The following GALNT17 variants were observed in gnomAD, a reference collection of about 807,000 sequenced individuals.
GALNT17 encodes the protein polypeptide N-acetylgalactosaminyltransferase 17, also known as UDP-GalNAc:polypeptide N-acetylgalactosaminyltransferase-like 3.
A neutral mutation model predicts 63.7 loss-of-function variants in GALNT17; 29 were observed. That is an observed-to-expected ratio of 0.46 (90% confidence interval 0.34 to 0.62). The LOEUF is 0.62. Among genes scored for constraint, GALNT17 ranks in the 20% least tolerant of loss-of-function variants. GALNT17 has a pLI of 0.01. For missense variants in GALNT17, 603 were observed against 799.6 expected, an observed-to-expected ratio of 0.75 and a Z score of 2.97; for synonymous variants, 305 against 318.3, an observed-to-expected ratio of 0.96 and a Z score of 0.45.
At chr7:71,488,552 G>A (rs1331886700) in intron 5 of GALNT17, among the ~76,000 whole-genome samples, 3 of 151,342 alleles carry the variant, frequency 2.0e-5, no homozygotes, top group African/African-American at 7.3e-5. Flanking sequence ...TATTCCCACT[G>A]GGCAAGCCAG....
chr7:71,548,741 G>A (rs551788795), intron 5 of GALNT17, among the ~76,000 whole-genome samples: 13 of 152,296 alleles, frequency 8.5e-5, no homozygotes, highest in African/African-American at 2.6e-4. Context: ...TTTCTTCATA[G>A]GAGTGTGAAA....
At chr7:71,436,583 G>C (rs114655197) in intron 5 of GALNT17, among the ~76,000 whole-genome samples, 1 of 151,820 alleles carries the variant, frequency 6.6e-6, no homozygotes, top group Non-Finnish European at 1.5e-5. Flanking sequence ...GTCAGGGATC[G>C]TGGCGGGCGC....
chr7:71,670,378 C>T (rs1445288892), intron 8 of GALNT17, among the ~76,000 whole-genome samples: 1 of 152,126 alleles, frequency 6.6e-6, no homozygotes, highest in Non-Finnish European at 1.5e-5. Context: ...GAAATTTTGA[C>T]TTTGAGGTCC....
chr7:71,594,985 T>G (rs1237661698), intron 6 of GALNT17, among the ~76,000 whole-genome samples: 2 of 152,118 alleles, frequency 1.3e-5, no homozygotes, highest in African/African-American at 4.8e-5. Context: ...TAATCCAGTG[T>G]GATTCATGTT....
chr7:71,708,590 A>T (rs1018358140), intron 9 of GALNT17, among the ~76,000 whole-genome samples: 1 of 152,184 alleles, frequency 6.6e-6, no homozygotes, highest in Non-Finnish European at 1.5e-5. Flanking sequence ...AGAGGAGTAC[A>T]TATATAGGTT....
chr7:71,629,423 A>G (rs771285657), intron 6 of GALNT17, among the ~76,000 whole-genome samples: 1 of 152,124 alleles, frequency 6.6e-6, no homozygotes, highest in Non-Finnish European at 1.5e-5. Context: ...TCATCTAACA[A>G]TCTTGGGAGC....
At chr7:71,623,146 C>G (rs1790320925) in intron 6 of GALNT17, among the ~76,000 whole-genome samples, 1 of 152,092 alleles carries the variant, frequency 6.6e-6, no homozygotes, top group Admixed American at 6.6e-5. Flanking sequence ...GTTTGCGTAG[C>G]AGTGAAAATC....
chr7:71,206,120 G>T (rs1399799085), intron 1 of GALNT17, among the ~76,000 whole-genome samples: 1 of 147,720 alleles, frequency 6.8e-6, no homozygotes, highest in Non-Finnish European at 1.5e-5. Flanking sequence ...TACATATGAG[G>T]TGTGTGTTTG....
intron 1 of GALNT17, among the ~76,000 whole-genome samples, chr7:71,154,173 C>T (rs568143551): frequency 6.6e-6 from 1 of 152,152 alleles, no homozygotes; most frequent in Admixed American, 6.5e-5. Flanking sequence ...TGCCACCATA[C>T]CGGCTTCGCT....
intron 9 of GALNT17, among the ~76,000 whole-genome samples, chr7:71,704,564 GAAC>G (rs1791696462): frequency 6.7e-6 from 1 of 148,638 alleles, no homozygotes; most frequent in African/African-American, 2.5e-5. Context: ...AAAATAGCCA[GAAC>G]AGTATTGAAA....
rs192761436 is a variant in GALNT17 at position 71,450,238 on chromosome 7, A to G, written c.962+29133A>G. Among the ~76,000 whole-genome samples the G allele has an allele frequency of 2.0e-5, 3 of 151,600 alleles. No individual in the cohort carries two copies. The East Asian group carries it at 6.0e-4, about 30-fold the overall frequency. On this transcript the variant is annotated intron_variant, in intron 5 of 10. Coordinates refer to ENST00000333538, the MANE Select transcript of GALNT17 (RefSeq NM_022479.3). ...GCAAACTCTGCCTCTCGGGCTCAAG[A>G]AATTCTCTTGCCTCAGCCTCGCGAG...
intron 1 of GALNT17, among the ~76,000 whole-genome samples, chr7:71,166,261 G>A (rs1180875092): frequency 6.6e-6 from 1 of 152,192 alleles, no homozygotes; most frequent in Non-Finnish European, 1.5e-5. Context: ...GAATAACATG[G>A]AGAAAATGCC....
intron 5 of GALNT17, among the ~76,000 whole-genome samples, chr7:71,512,457 T>TGACTCA (rs1788376175): frequency 1.3e-5 from 2 of 152,168 alleles, no homozygotes; most frequent in South Asian, 4.1e-4. Flanking sequence ...TAGCTGTCTC[T>TGACTCA]GACTCATAAA....
At chr7:71,573,913 A>G (rs940310268) in intron 6 of GALNT17, among the ~76,000 whole-genome samples, 1 of 152,170 alleles carries the variant, frequency 6.6e-6, no homozygotes, top group Non-Finnish European at 1.5e-5. Flanking sequence ...CCACTTATAC[A>G]TGAAAACATG....
intron 1 of GALNT17, among the ~76,000 whole-genome samples, chr7:71,289,879 CAAAAGA>C (rs1790946239): frequency 1.6e-5 from 2 of 128,970 alleles, no homozygotes; most frequent in South Asian, 5.5e-4. Context: ...AACCCCGTCT[CAAAAGA>C]AAAAAAAAAA....
At chr7:71,336,560 G>A (rs4584034) in intron 2 of GALNT17, among the ~76,000 whole-genome samples, 99,058 of 151,854 alleles carry the variant, frequency 0.65, 32,707 homozygotes, top group African/African-American at 0.76. Flanking sequence ...TGTACTCGTC[G>A]TTTAGCCCCG....
In GALNT17 at chr7:71,517,783, A is replaced by G; in HGVS notation, c.963-53502A>G. 1.3e-5 allele frequency among the ~76,000 whole-genome samples: 2 copies of G among 152,184 alleles called. 1 individual carries two copies. The highest frequency in any genetic ancestry group is 2.9e-5 in the Non-Finnish European group (2 of 68,032). On this transcript the variant is annotated intron_variant, in intron 5 of 10. Transcript: ENST00000333538. ...AACCTTTTTTCCATGGCACTTACAC[A>G]CTACAGTAGGGAGATAGACATGGAA... is the stretch of plus-strand genomic sequence containing the variant.
intron 1 of GALNT17, among the ~76,000 whole-genome samples, chr7:71,227,697 T>C (rs1177179506): frequency 6.6e-6 from 1 of 152,182 alleles, no homozygotes; most frequent in Non-Finnish European, 1.5e-5. Context: ...AGCAAACATA[T>C]ATTTCTGGGA....
intron 5 of GALNT17, among the ~76,000 whole-genome samples, chr7:71,430,107 A>C (rs1330838729): frequency 6.6e-6 from 1 of 152,058 alleles, no homozygotes; most frequent in East Asian, 1.9e-4. Context: ...TTATTCTCCC[A>C]AAGCACTGGG....
Sources: allele counts gnomAD v4.1 joint callset (sites outside exome capture counted in the v4.1 genomes callset), GRCh38; gene constraint gnomAD v4.1.1; transcripts MANE v1.5; gene names NCBI Gene and HGNC (gene_info 2026-07-23, HGNC 2026-07-21).